BABAM2: variants seen among roughly 807,000 people sequenced by gnomAD.
BABAM2 encodes BRISC and BRCA1 A complex member 2.
A neutral mutation model predicts 54.7 loss-of-function variants in BABAM2; 31 were observed. The observed-to-expected ratio is 0.57, with a 90% confidence interval of 0.43 to 0.77. The LOEUF (loss-of-function observed/expected upper bound fraction) is 0.77, where lower values mean the gene tolerates loss of function less well. Ranked by LOEUF, BABAM2 falls within the 30% of genes least tolerant of loss-of-function variation. The pLI is 0.00. For missense variants in BABAM2, 364 were observed against 455.8 expected (o/e 0.80, Z 1.83); for synonymous variants, 167 against 162.9 (o/e 1.03, Z -0.19).
At chr2:28,080,968 T>C (rs1010638881) in intron 6 of BABAM2, among the ~76,000 whole-genome samples, 4 of 152,214 alleles carry the variant, frequency 2.6e-5, no homozygotes, top group Non-Finnish European at 5.9e-5. Context: ...CTGGATCTTT[T>C]GTTACCATAA....
chr2:28,117,449 C>G (rs1017227793), intron 6 of BABAM2, among the ~76,000 whole-genome samples: 1 of 152,194 alleles, frequency 6.6e-6, no homozygotes, highest in Non-Finnish European at 1.5e-5. Context: ...AATTTATTAG[C>G]TTTCCAAAGC....
rs1353144016 is a variant in BABAM2, at chr2:28,319,816, C to T, written c.1089-18634C>T. Among the ~76,000 whole-genome samples, 4 of 152,240 alleles carry T rather than the reference C, an allele frequency of 2.6e-5. No individual in the cohort carries two copies. In the South Asian group the frequency reaches 6.2e-4, roughly 24 times the overall value. ...CTCAAGGAGTGCACATGATTTTCCA[C>T]ACAGTTCAACCTCAAAGGCAATACA... On this transcript the variant is annotated intron_variant, in intron 11 of 11. Coordinates refer to ENST00000379624, the MANE Select transcript of BABAM2 (RefSeq NM_199191.3).
intron 2 of BABAM2, among the ~76,000 whole-genome samples, chr2:27,895,219 G>A (rs1318944510): frequency 2.6e-5 from 4 of 152,048 alleles, no homozygotes; most frequent in Non-Finnish European, 1.5e-5. Context: ...CAGGAAATTA[G>A]CATTGTTATA....
intron 6 of BABAM2, among the ~76,000 whole-genome samples, chr2:28,107,625 C>T (rs1667641339): frequency 6.6e-6 from 1 of 152,206 alleles, no homozygotes. Flanking sequence ...TTACCTCTTC[C>T]TTGAAAAGCC....
chr2:28,227,919 C>T (rs1170752082), intron 7 of BABAM2, among the ~76,000 whole-genome samples: 1 of 152,120 alleles, frequency 6.6e-6, no homozygotes, highest in Non-Finnish European at 1.5e-5. Flanking sequence ...CAAGCCCTCC[C>T]ACCCCCTCCA....
At chr2:28,169,884 T>A (rs78614253) in intron 7 of BABAM2, among the ~76,000 whole-genome samples, 1 of 151,926 alleles carries the variant, frequency 6.6e-6, no homozygotes, top group Non-Finnish European at 1.5e-5. Flanking sequence ...AACCATAGCC[T>A]GGGATCATAT....
At chr2:28,282,195 G>C (rs936238120) in intron 10 of BABAM2, among the ~76,000 whole-genome samples, 1 of 152,134 alleles carries the variant, frequency 6.6e-6, no homozygotes, top group Non-Finnish European at 1.5e-5. Flanking sequence ...AGATATAACC[G>C]TAAGATGTTT....
intron 4 of BABAM2, among the ~76,000 whole-genome samples, chr2:28,023,980 A>G (rs556276449): frequency 6.6e-6 from 1 of 152,300 alleles, no homozygotes; most frequent in African/African-American, 2.4e-5. Context: ...GTTTGCATTT[A>G]CGTTGCAGAA....
intron 7 of BABAM2, among the ~76,000 whole-genome samples, chr2:28,218,559 C>T (rs1169224237): frequency 6.6e-6 from 1 of 152,092 alleles, no homozygotes; most frequent in Non-Finnish European, 1.5e-5. Context: ...CATGATGTGT[C>T]TGTCCTGAGT....
intron 3 of BABAM2, among the ~76,000 whole-genome samples, chr2:27,943,359 A>T (rs1669070174): frequency 6.6e-6 from 1 of 152,220 alleles, no homozygotes; most frequent in South Asian, 2.1e-4. Flanking sequence ...GCTAACAACA[A>T]GCCAAGTCAG....
At chr2:27,988,850 G>T (rs1343050434) in intron 4 of BABAM2, among the ~76,000 whole-genome samples, 2 of 152,096 alleles carry the variant, frequency 1.3e-5, no homozygotes, top group African/African-American at 4.8e-5. Flanking sequence ...ACTAGAAGAG[G>T]TTTTATAGTT....
chr2:27,946,738 A>T (rs1171613870), intron 3 of BABAM2, among the ~76,000 whole-genome samples: 5 of 152,144 alleles, frequency 3.3e-5, no homozygotes, highest in Non-Finnish European at 5.9e-5. Context: ...AGTGAGCGAG[A>T]GGGAAGGTTT....
At chr2:28,181,632 C>G (rs1195077055) in intron 7 of BABAM2, among the ~76,000 whole-genome samples, 1 of 152,016 alleles carries the variant, frequency 6.6e-6, no homozygotes, top group East Asian at 1.9e-4. Flanking sequence ...ATTTTGATCA[C>G]TACACATTCT....
Position 27,987,981 on chromosome 2 carries a change from C to T in BABAM2, c.206-12C>T. ...GGAAATAAAAAGGACCTGTCATTTT[C>T]TTTTATTTCAGGGGATATCATTTTC... On this transcript the variant is annotated splice_polypyrimidine_tract_variant and intron_variant, in intron 3 of 11. Coordinates refer to ENST00000379624, the MANE Select transcript of BABAM2 (RefSeq NM_199191.3). 6.3e-7 allele frequency: 1 copy of T among 1,594,406 alleles called. No homozygotes were observed. The highest frequency in any genetic ancestry group is 8.6e-7 in the Non-Finnish European group (1 of 1,162,410).
chr2:28,336,224 A>G (rs1455115816), intron 11 of BABAM2, among the ~76,000 whole-genome samples: 1 of 152,182 alleles, frequency 6.6e-6, no homozygotes, highest in Non-Finnish European at 1.5e-5. Context: ...GTCACTACGG[A>G]TGGAGGGACT....
intron 6 of BABAM2, among the ~76,000 whole-genome samples, chr2:28,106,746 A>G (rs866583713): frequency 2.0e-5 from 3 of 152,082 alleles, no homozygotes; most frequent in Non-Finnish European, 4.4e-5. Flanking sequence ...CCCCTTTGTC[A>G]TTGGTATTTT....
chr2:28,037,299 T>C (rs1043088229), intron 5 of BABAM2, among the ~76,000 whole-genome samples: 3 of 152,188 alleles, frequency 2.0e-5, no homozygotes, highest in Non-Finnish European at 4.4e-5. Context: ...CCCCTTTTTA[T>C]GCAAATGGTA....
chr2:28,144,793 A>G (rs1212221299), intron 7 of BABAM2, among the ~76,000 whole-genome samples: 1 of 152,234 alleles, frequency 6.6e-6, no homozygotes, highest in Non-Finnish European at 1.5e-5. Flanking sequence ...CTGAAGACAC[A>G]TGGAGATATT....
chr2:28,328,425 C>T (rs891282110), intron 11 of BABAM2, among the ~76,000 whole-genome samples: 2 of 152,178 alleles, frequency 1.3e-5, no homozygotes, highest in African/African-American at 4.8e-5. Context: ...TGACCTCTGA[C>T]TTGATTTATG....
Sources: allele counts gnomAD v4.1 joint callset (sites outside exome capture counted in the v4.1 genomes callset), GRCh38; gene constraint gnomAD v4.1.1; transcripts MANE v1.5; gene names NCBI Gene and HGNC (gene_info 2026-07-23, HGNC 2026-07-21).